MGAM2: variants seen among roughly 807,000 people sequenced by gnomAD.
The protein encoded by MGAM2 is probable maltase-glucoamylase 2.
A neutral mutation model predicts 96.1 loss-of-function variants in MGAM2; 98 were observed. The observed-to-expected ratio is 1.02, with a 90% CI of 0.87 to 1.21. The LOEUF (loss-of-function observed/expected upper bound fraction) is 1.21, where lower values mean the gene tolerates loss of function less well. Ranked by LOEUF, MGAM2 falls within the 50% of genes most tolerant of loss-of-function variation. MGAM2 has a pLI of 0.00. For synonymous variants in MGAM2, 749 were observed against 414.8 expected (o/e 1.81, Z -9.79); for missense variants, 2,055 against 1,182.4 (o/e 1.74, Z -10.82).
chr7:142,133,961 C>G lies in MGAM2; in HGVS notation c.576-20C>G. 1.4e-6 allele frequency: 1 copy of G among 692,954 alleles called. No individual in the cohort carries two copies. Among genetic ancestry groups the G allele is most frequent in the Non-Finnish European group, 2.6e-6 (1 of 379,246 alleles). 42.9% of individuals were successfully genotyped at this position (692,954 alleles called of 1,614,324 possible). A position where few individuals can be genotyped will look rare whatever the true frequency, so the allele number is the denominator to read the frequency against. Reference sequence around the variant, plus strand: ...AGAGTGTTTTTCGGTGATTCTTGCTCTACTTACCCCATGGCCCAGGTTGGA... The same window carrying G: ...AGAGTGTTTTTCGGTGATTCTTGCTGTACTTACCCCATGGCCCAGGTTGGA... On this transcript the variant is annotated intron_variant, in intron 6 of 47. Transcript: ENST00000477922.
intron 1 of MGAM2, among the ~76,000 whole-genome samples, chr7:142,112,611 T>G (rs536053630): frequency 1.2e-3 from 188 of 152,242 alleles, no homozygotes; most frequent in African/African-American, 4.4e-3. Context: ...CCTCTAAGTC[T>G]TTAAGCTCTG....
chr7:142,176,095 CAAA>C (rs61345348), intron 32 of MGAM2, among the ~76,000 whole-genome samples: 2 of 131,268 alleles, frequency 1.5e-5, no homozygotes, highest in Non-Finnish European at 1.6e-5. Flanking sequence ...CTGAAGATAG[CAAA>C]AAAAAAAAAA....
At chr7:142,178,379 T>A (rs1796438600) in intron 32 of MGAM2, among the ~76,000 whole-genome samples, 1 of 152,180 alleles carries the variant, frequency 6.6e-6, no homozygotes, top group South Asian at 2.1e-4. Flanking sequence ...CCATTGTCAA[T>A]TTTTGGTTTC....
At chr7:142,212,712 C>T (rs1199557095) in intron 46 of MGAM2, among the ~76,000 whole-genome samples, 1 of 152,166 alleles carries the variant, frequency 6.6e-6, no homozygotes, top group African/African-American at 2.4e-5. Flanking sequence ...TACAAAGAGA[C>T]TTAGACTCCC....
rs148144826 is a variant in MGAM2 at position 142,121,870 on chromosome 7, C to T, written c.186+1489C>T. Among the ~76,000 whole-genome samples, 267 of 151,774 alleles carry T rather than the reference C, an allele frequency of 1.8e-3. 5 individuals are homozygous for T. In the South Asian group the frequency reaches 0.033, roughly 19 times the overall value. On this transcript the variant is annotated intron_variant, in intron 3 of 47. Coordinates refer to ENST00000477922, the MANE Select transcript of MGAM2 (RefSeq NM_001293626.2). ...TATCTTATACATTCATATGTCTAAT[C>T]GTATTGTCTATTTCTTCCAGAATAA...
chr7:142,201,220 G>T (rs982501940), intron 45 of MGAM2, among the ~76,000 whole-genome samples: 2 of 151,350 alleles, frequency 1.3e-5, no homozygotes, highest in African/African-American at 4.8e-5. Context: ...TCAGGTGTGT[G>T]GCACAACACC....
Position 142,144,000 on chromosome 7 carries a change from A to G in MGAM2, c.1431+118A>G. The stretch of plus-strand genomic sequence containing the variant: ...TAAAAAATAGTTTGCTTTATGTAGT[A>G]GTATTCAAAATTATTTTACTTAAGG... On this transcript the variant is annotated intron_variant, in intron 13 of 47. Coordinates refer to ENST00000477922, the MANE Select transcript of MGAM2 (RefSeq NM_001293626.2). The G allele has an allele frequency of 2.0e-5, 12 of 588,586 alleles. No homozygotes were observed. The South Asian group carries it at 2.6e-4, about 13-fold the overall frequency. 36.5% of individuals were successfully genotyped at this position (588,586 alleles called of 1,614,324 possible). A position where few individuals can be genotyped will look rare whatever the true frequency, so the allele number is the denominator to read the frequency against.
In MGAM2 at chr7:142,220,762, C is replaced by T. The variant is rs1797901893; in HGVS notation, c.6251C>T (p.Pro2084Leu). 1.4e-6 allele frequency: 1 copy of T among 702,090 alleles called. No individual in the cohort carries two copies. Among genetic ancestry groups the T allele is most frequent in the Admixed American group, 2.0e-5 (1 of 49,884 alleles). 43.5% of individuals were successfully genotyped at this position (702,090 alleles called of 1,614,324 possible). A position where few individuals can be genotyped will look rare whatever the true frequency, so the allele number is the denominator to read the frequency against. ...AATACTGTTCCTAATACCACTATGCCTTCTCCTACAAGTAGTACTACTGTG... is the reference window on the plus strand; with the variant it reads ...AATACTGTTCCTAATACCACTATGCTTTCTCCTACAAGTAGTACTACTGTG... Reference protein sequence around the residue: ...TSNTVPNTTMPSPTSSTTVST... With the variant: ...TSNTVPNTTMLSPTSSTTVST... Residue 2084 changes from proline to leucine, a missense_variant, in exon 48 of 48, where the codon CCT becomes CTT. Transcript: ENST00000477922.
At chr7:142,144,397 C>T (rs1488330754) in intron 13 of MGAM2, among the ~76,000 whole-genome samples, 1 of 152,194 alleles carries the variant, frequency 6.6e-6, no homozygotes, top group African/African-American at 2.4e-5. Flanking sequence ...CAAGATTAGA[C>T]ATCACTTATT....
chr7:142,219,738 G>A, intron 47 of MGAM2, 132 bp from the exon 48 acceptor site: 1 of 594,978 alleles, frequency 1.7e-6, no homozygotes, highest in Non-Finnish European at 3.0e-6. Flanking sequence ...AACCCAAAAA[G>A]GAATGTTTAT....
chr7:142,112,187 C>T (rs1261232225), intron 1 of MGAM2, among the ~76,000 whole-genome samples: 1 of 151,918 alleles, frequency 6.6e-6, no homozygotes, highest in East Asian at 1.9e-4. Flanking sequence ...AAGGTGAATT[C>T]CTCCCAGCTT....
chr7:142,146,321 A>T (rs2129082292), intron 14 of MGAM2, among the ~76,000 whole-genome samples: 1 of 151,936 alleles, frequency 6.6e-6, no homozygotes, highest in East Asian at 1.9e-4. Context: ...AGGATTGCAT[A>T]GTGCACATTA....
intron 32 of MGAM2, among the ~76,000 whole-genome samples, chr7:142,178,543 T>A (rs866731994): frequency 6.6e-6 from 1 of 152,126 alleles, no homozygotes; most frequent in African/African-American, 2.4e-5. Context: ...TAGTGAAAGG[T>A]AGGAGTCCAG....
intron 45 of MGAM2, among the ~76,000 whole-genome samples, chr7:142,206,680 T>A (rs191617131): frequency 0.011 from 1,738 of 152,320 alleles, 20 homozygotes; most frequent in Non-Finnish European, 0.017. Context: ...GTCTTAAGAT[T>A]AAAAATTAAT....
intron 35 of MGAM2, among the ~76,000 whole-genome samples, chr7:142,187,076 G>A (rs138905832): frequency 4.8e-4 from 73 of 152,116 alleles, no homozygotes; most frequent in African/African-American, 1.4e-3. Flanking sequence ...TCTGGCTTTC[G>A]AAAATTTAAC....
chr7:142,144,053 C>T, intron 13 of MGAM2, 171 bp downstream of exon 13: 1 of 457,390 alleles, frequency 2.2e-6, no homozygotes, highest in Non-Finnish European at 3.9e-6. Flanking sequence ...GAATTAGGCT[C>T]CTAAGAGCCT....
intron 17 of MGAM2, among the ~76,000 whole-genome samples, chr7:142,157,233 C>G (rs1439554746): frequency 2.0e-5 from 3 of 152,168 alleles, no homozygotes; most frequent in South Asian, 2.1e-4. Flanking sequence ...AGTAGTACAA[C>G]TTATATTATT....
At chr7:142,208,198 C>T (rs780135655) in intron 45 of MGAM2, 11 of 465,544 alleles carry the variant, frequency 2.4e-5, no homozygotes, top group Middle Eastern at 3.2e-4. Flanking sequence ...CCTAACCACT[C>T]GCCTCTGCTT....
Position 142,172,139 on chromosome 7 carries a change from A to C in MGAM2, c.3393A>C (p.Ala1131=). 1.4e-6 allele frequency: 1 copy of C among 736,174 alleles called. No homozygotes were observed. The allele number at this position is 736,174 out of a possible 1,614,324, so 45.6% of individuals were successfully genotyped here. Reference sequence around the variant, plus strand: ...ATGGTGTCCACCCTTACTACATGGCACTGGAGGAGGATGGTAGTGCCCATG... The same window carrying C: ...ATGGTGTCCACCCTTACTACATGGCCCTGGAGGAGGATGGTAGTGCCCATG... ...NSYGVHPYYM[A]LEEDGSAHGV... The change falls in exon 29 of 48, where the codon GCA becomes GCC. Residue 1131 remains alanine (A), a synonymous_variant. Transcript: ENST00000477922.
Sources: gnomAD v4.1 joint callset for allele counts (sites outside exome capture counted in the v4.1 genomes callset) on GRCh38, gnomAD v4.1.1 for gene constraint, MANE v1.5 for transcripts, NCBI Gene and HGNC (gene_info 2026-07-23, HGNC 2026-07-21) for gene names.